The following GMNC variants were observed in gnomAD, a reference collection of about 807,000 sequenced individuals.
The protein encoded by GMNC is geminin coiled-coil domain containing, also known as geminin coiled-coil domain-containing protein 1.
A neutral mutation model predicts 33.6 loss-of-function variants in GMNC; 16 were observed. The observed-to-expected ratio is 0.48, with a 90% CI of 0.32 to 0.72. GMNC has a LOEUF of 0.72. Ranked by LOEUF, GMNC falls within the 30% of genes least tolerant of loss-of-function variation. GMNC has a pLI of 0.03. For synonymous variants in GMNC, 156 were observed against 147.3 expected (o/e 1.06, Z -0.43); for missense variants, 393 against 388.9 (o/e 1.01, Z -0.09).
chr3:190,847,706 A>ACTCT, the GMNC span, among the ~76,000 whole-genome samples: 1 of 151,354 alleles, frequency 6.6e-6, no homozygotes, highest in East Asian at 1.9e-4. Context: ...TCTTCACATG[A>ACTCT]CTCTCTTGCA....
downstream of GMNC, among the ~76,000 whole-genome samples, chr3:190,850,750 A>G (rs1391976945): frequency 3.9e-5 from 6 of 152,212 alleles, no homozygotes; most frequent in African/African-American, 1.4e-4. Context: ...CAACAATAGT[A>G]GAAAAGGTAT....
At chr3:190,848,388 G>T (rs1039300731), downstream of GMNC, among the ~76,000 whole-genome samples, 1 of 152,132 alleles carries the variant, frequency 6.6e-6, no homozygotes, top group African/African-American at 2.4e-5. Context: ...ATGTCTACTT[G>T]TTGTGATTCT....
At chr3:190,859,720 A>G in intron 2 of GMNC, 1 of 374,920 alleles carries the variant, frequency 2.7e-6, no homozygotes, top group Non-Finnish European at 5.3e-6. Context: ...TCTATCAATA[A>G]AAAACTATGG....
At position 190,854,201 on chromosome 3, in the gene GMNC, C is replaced by G. The variant is rs73192255; in HGVS notation, c.*1094G>C. On this transcript the variant is annotated 3_prime_UTR_variant, in exon 5 of 5. Transcript: ENST00000442080. The stretch of plus-strand genomic sequence containing the variant: ...CATAGAATATTAGTAATTATCTAGT[C>G]CAACTTCTGTATTCTACAGTTGGGA... 1 of 152,044 alleles carries G rather than the reference C, an allele frequency of 6.6e-6. No individual in the cohort carries two copies. The highest frequency in any genetic ancestry group is 2.4e-5 in the African/African-American group (1 of 41,396). 9.4% of individuals were successfully genotyped at this position (152,044 alleles called of 1,614,324 possible). A position where few individuals can be genotyped will look rare whatever the true frequency, so the allele number is the denominator to read the frequency against.
the GMNC span, among the ~76,000 whole-genome samples, chr3:190,847,326 C>T: frequency 2.0e-4 from 31 of 152,132 alleles, no homozygotes. Flanking sequence ...GTGATATATT[C>T]GTGGGGTCCT....
chr3:190,857,839 G>C lies in GMNC; in HGVS notation c.328C>G (p.His110Asp). The change falls in exon 4 of 5, where the codon CAC (histidine) becomes GAC (aspartate). Residue 110 changes from histidine to aspartate, a missense_variant. His to Asp is a moderately conservative substitution (Grantham distance 81). Transcript: ENST00000442080. Reference sequence around the variant, plus strand: ...GCAGAATTCAGGTATTGTCTGAGGTGATTATTCTCTTCGTGTAACCTGGCG... The same window carrying C: ...GCAGAATTCAGGTATTGTCTGAGGTCATTATTCTCTTCGTGTAACCTGGCG... ...ELARLHEENNHLRQYLNSALV... is the reference protein window; with the variant it reads ...ELARLHEENNDLRQYLNSALV... 2 of 1,551,134 alleles carry C rather than the reference G, an allele frequency of 1.3e-6. No homozygotes were observed. Among genetic ancestry groups the C allele is most frequent in the Non-Finnish European group, 1.7e-6 (2 of 1,146,454 alleles).
the GMNC span, among the ~76,000 whole-genome samples, chr3:190,843,853 A>T: frequency 6.6e-6 from 1 of 152,212 alleles, no homozygotes; most frequent in African/African-American, 2.4e-5. Flanking sequence ...GTACATTATC[A>T]TCCTTAATTT....
chr3:190,852,602 G>A (rs530787163), downstream of GMNC, among the ~76,000 whole-genome samples: 20 of 152,150 alleles, frequency 1.3e-4, no homozygotes, highest in Middle Eastern at 6.8e-3. Flanking sequence ...CTTAACATTC[G>A]AAAGCCTCAT....
At chr3:190,860,566 G>T (rs534317093) in intron 2 of GMNC, 118 bp downstream of exon 2, 7 of 836,578 alleles carry the variant, frequency 8.4e-6, no homozygotes, top group African/African-American at 1.7e-5. Flanking sequence ...GAGTCCTTGG[G>T]TTTACTTAAA....
intron 1 of GMNC, 76 bp from the exon 2 acceptor site, chr3:190,860,934 G>A: frequency 1.2e-5 from 12 of 1,015,406 alleles, no homozygotes; most frequent in South Asian, 3.9e-5. Flanking sequence ...GGAAAGGGTG[G>A]GAGAAATACC....
downstream of GMNC, among the ~76,000 whole-genome samples, chr3:190,849,584 T>A (rs1460673581): frequency 6.6e-6 from 1 of 152,206 alleles, no homozygotes; most frequent in African/African-American, 2.4e-5. Context: ...TTGGGCCTTA[T>A]CCCTGAGGGG....
the GMNC span, among the ~76,000 whole-genome samples, chr3:190,846,605 C>T: frequency 1.3e-5 from 2 of 152,058 alleles, no homozygotes; most frequent in Non-Finnish European, 2.9e-5. Flanking sequence ...TGCTGATAAG[C>T]GCCTAATGAT....
At chr3:190,844,675 A>T in the GMNC span, among the ~76,000 whole-genome samples, 2 of 152,072 alleles carry the variant, frequency 1.3e-5, no homozygotes, top group Non-Finnish European at 2.9e-5. Flanking sequence ...AAATCTGCCC[A>T]TGATGATGGA....
At chr3:190,852,438 CT>C (rs1169833033), downstream of GMNC, among the ~76,000 whole-genome samples, 1 of 151,998 alleles carries the variant, frequency 6.6e-6, no homozygotes, top group African/African-American at 2.4e-5. Context: ...TAGCAACAAC[CT>C]TTTTTTCCAG....
rs1321412800 is a variant in GMNC at position 190,861,544 on chromosome 3, C to T, written c.4-686G>A. Among the ~76,000 whole-genome samples, 3 of 152,000 alleles carry T rather than the reference C, an allele frequency of 2.0e-5. No homozygotes were observed. Among genetic ancestry groups the T allele is most frequent in the African/African-American group, 7.3e-5 (3 of 41,378 alleles). On this transcript the variant is annotated intron_variant, in intron 1 of 4. Coordinates refer to ENST00000442080, the MANE Select transcript of GMNC (RefSeq NM_001146686.3). The surrounding 1 kb of genome is among the most constrained non-coding windows in gnomAD (Gnocchi z 5.1). ...AGAGATAATTAAAACATTTTGCTCC[C>T]AACACTAAGCACAGGACCACAAAGC...
chr3:190,859,223 T>C (rs1366327893), intron 2 of GMNC, among the ~76,000 whole-genome samples: 2 of 152,176 alleles, frequency 1.3e-5, no homozygotes, highest in South Asian at 2.1e-4. Flanking sequence ...CTGTATGACA[T>C]AGCAGTTAAA....
In GMNC at chr3:190,857,852, G is replaced by A. The variant is rs774752647; in HGVS notation, c.315C>T (p.His105=). 3.5e-5 allele frequency: 54 copies of A among 1,550,970 alleles called. No individual in the cohort carries two copies. In the Admixed American group the frequency reaches 4.9e-4, roughly 14 times the overall value. ...VQKEEELARL[H]EENNHLRQYL... Reference sequence around the variant, plus strand: ...ATTGTCTGAGGTGATTATTCTCTTCGTGTAACCTGGCGAGTTCTTCTTCCT... The same window carrying A: ...ATTGTCTGAGGTGATTATTCTCTTCATGTAACCTGGCGAGTTCTTCTTCCT... The change falls in exon 4 of 5, where the codon CAC becomes CAT. Residue 105 remains histidine (H), a synonymous_variant. Coordinates refer to ENST00000442080, the MANE Select transcript of GMNC (RefSeq NM_001146686.3).
intron 2 of GMNC, among the ~76,000 whole-genome samples, chr3:190,859,289 C>T (rs1737812435): frequency 6.6e-6 from 1 of 152,066 alleles, no homozygotes; most frequent in South Asian, 2.1e-4. Flanking sequence ...ATATGTATTC[C>T]TGCTGGATAA....
Position 190,861,325 on chromosome 3 carries a change from T to C in GMNC, c.4-467A>G, listed in dbSNP as rs1198414478. On this transcript the variant is annotated intron_variant, in intron 1 of 4. Coordinates refer to ENST00000442080, the MANE Select transcript of GMNC (RefSeq NM_001146686.3). The surrounding 1 kb of genome is among the most constrained non-coding windows in gnomAD (Gnocchi z 5.1). ...TAAAGCTGAAATGGATGTGACATAA[T>C]ATAGACTAACGTCTTCATTTTTGTT... is the stretch of plus-strand genomic sequence containing the variant. 1.3e-5 allele frequency among the ~76,000 whole-genome samples: 2 copies of C among 152,232 alleles called. No individual in the cohort carries two copies. The highest frequency in any genetic ancestry group is 4.8e-5 in the African/African-American group (2 of 41,464).
Sources: gnomAD v4.1 joint callset for allele counts (sites outside exome capture counted in the v4.1 genomes callset) on GRCh38, gnomAD v4.1.1 for gene constraint, Gnocchi (gnomAD v3.1) non-coding constraint, MANE v1.5 for transcripts, NCBI Gene and HGNC (gene_info 2026-07-23, HGNC 2026-07-21) for gene names.